RUNX1: variants seen among roughly 807,000 people sequenced by gnomAD.
RUNX1 encodes RUNX family transcription factor 1, also known as runt-related transcription factor 1.
A neutral mutation model predicts 42.8 loss-of-function variants in RUNX1; 19 were observed. That is an observed-to-expected ratio of 0.44 (90% CI 0.31 to 0.65). The LOEUF is 0.65. Among genes scored for constraint, RUNX1 ranks in the 30% least tolerant of loss-of-function variants. The probability of loss-of-function intolerance (pLI) is 0.07; values close to 1 mark genes in which losing one functional copy is unlikely to be tolerated. For missense variants in RUNX1, 528 were observed against 672.0 expected, an observed-to-expected ratio of 0.79 and a Z score of 2.37; for synonymous variants, 271 against 289.4, an observed-to-expected ratio of 0.94 and a Z score of 0.64.
intron 5 of RUNX1, among the ~76,000 whole-genome samples, chr21:34,863,004 G>A (rs141861020): frequency 4.6e-5 from 7 of 152,228 alleles, no homozygotes; most frequent in East Asian, 3.9e-4. Flanking sequence ...TTTTTAAGTC[G>A]TGTAGAACTT....
At chr21:34,848,423 A>C (rs2268285) in intron 6 of RUNX1, among the ~76,000 whole-genome samples, 48,040 of 152,112 alleles carry the variant, frequency 0.32, 7,934 homozygotes, top group East Asian at 0.51. Flanking sequence ...CACCGAGGCT[A>C]CCTGAGCACC....
At chr21:34,984,699 G>A (rs553023975) in intron 2 of RUNX1, among the ~76,000 whole-genome samples, 1 of 152,174 alleles carries the variant, frequency 6.6e-6, no homozygotes, top group Non-Finnish European at 1.5e-5. Flanking sequence ...AGGGAATGAA[G>A]GGTTGATGGA....
At chr21:35,036,408 A>G (rs1395610724) in intron 2 of RUNX1, among the ~76,000 whole-genome samples, 1 of 152,196 alleles carries the variant, frequency 6.6e-6, no homozygotes. Flanking sequence ...GGGCACTCAC[A>G]TGGCTGGCTG....
chr21:34,834,256 A>T (rs1569036763), intron 7 of RUNX1, 154 bp downstream of exon 7: 1 of 793,940 alleles, frequency 1.3e-6, no homozygotes, highest in East Asian at 2.6e-5. Flanking sequence ...TGCATTTCCA[A>T]CAGCTCCCAG....
chr21:34,918,271 G>A (rs1282985156), intron 2 of RUNX1, among the ~76,000 whole-genome samples: 1 of 152,016 alleles, frequency 6.6e-6, no homozygotes, highest in Non-Finnish European at 1.5e-5. Flanking sequence ...AGAGATGCAG[G>A]GGCATGACAA....
At chr21:35,009,981 C>T (rs2059113868) in intron 2 of RUNX1, among the ~76,000 whole-genome samples, 2 of 152,178 alleles carry the variant, frequency 1.3e-5, no homozygotes, top group Admixed American at 1.3e-4. Flanking sequence ...AAATCACACG[C>T]TGGTATAACT....
intron 2 of RUNX1, among the ~76,000 whole-genome samples, chr21:35,005,145 A>T (rs926337164): frequency 6.6e-6 from 1 of 151,622 alleles, no homozygotes; most frequent in Non-Finnish European, 1.5e-5. Flanking sequence ...TTTTTATTAG[A>T]GTTGAATTTC....
chr21:34,850,099 A>T (rs2057396219), intron 6 of RUNX1, among the ~76,000 whole-genome samples: 1 of 152,210 alleles, frequency 6.6e-6, no homozygotes, highest in Admixed American at 6.5e-5. Flanking sequence ...GAAAAATGGA[A>T]AGTGGCTAGG....
chr21:34,945,852 G>T (rs2058559812), intron 2 of RUNX1, among the ~76,000 whole-genome samples: 1 of 152,178 alleles, frequency 6.6e-6, no homozygotes, highest in South Asian at 2.1e-4. Flanking sequence ...TCCAGATCTG[G>T]CTTCTCTTCA....
At chr21:34,990,242 G>A (rs1020503885) in intron 2 of RUNX1, among the ~76,000 whole-genome samples, 1 of 152,164 alleles carries the variant, frequency 6.6e-6, no homozygotes, top group Non-Finnish European at 1.5e-5. Flanking sequence ...GACAAAATAG[G>A]AAGATTCTTT....
intron 7 of RUNX1, among the ~76,000 whole-genome samples, chr21:34,808,411 C>T (rs2056712100): frequency 6.6e-6 from 1 of 152,154 alleles, no homozygotes; most frequent in Non-Finnish European, 1.5e-5. Flanking sequence ...TCCGCCTCTC[C>T]ACCACTCCCT....
At chr21:35,025,678 G>C (rs1267020512) in intron 2 of RUNX1, among the ~76,000 whole-genome samples, 1 of 152,146 alleles carries the variant, frequency 6.6e-6, no homozygotes, top group Non-Finnish European at 1.5e-5. Context: ...AGGAGAACAT[G>C]AATAATTAGG....
intron 2 of RUNX1, among the ~76,000 whole-genome samples, chr21:34,958,982 T>C (rs1394254809): frequency 6.6e-6 from 1 of 150,376 alleles, no homozygotes; most frequent in Non-Finnish European, 1.5e-5. Flanking sequence ...TTCTCACTCA[T>C]AGATGGGAAT....
At chr21:35,007,484 G>A (rs1012866876) in intron 2 of RUNX1, among the ~76,000 whole-genome samples, 5 of 152,130 alleles carry the variant, frequency 3.3e-5, no homozygotes, top group Admixed American at 6.5e-5. Flanking sequence ...GTGACCCGCC[G>A]TCCTTTGGAT....
At chr21:35,008,956 G>T (rs765345568) in intron 2 of RUNX1, among the ~76,000 whole-genome samples, 5 of 152,206 alleles carry the variant, frequency 3.3e-5, no homozygotes, top group Admixed American at 6.5e-5. Flanking sequence ...ACAAAAAACG[G>T]AGCCCACCGA....
At chr21:34,811,464 G>A (rs999636582) in intron 7 of RUNX1, among the ~76,000 whole-genome samples, 2 of 152,136 alleles carry the variant, frequency 1.3e-5, no homozygotes. Context: ...GAACCTCAGG[G>A]AACTGCCCTG....
At chr21:35,034,732 G>T (rs2059295303) in intron 2 of RUNX1, among the ~76,000 whole-genome samples, 1 of 152,200 alleles carries the variant, frequency 6.6e-6, no homozygotes, top group South Asian at 2.1e-4. Context: ...TGTCAACTGT[G>T]GCGAGGTCGG....
rs141335399 is a variant in RUNX1, at chr21:34,998,758, G to A, written c.58+50084C>T. On this transcript the variant is annotated intron_variant, in intron 2 of 8. Coordinates refer to ENST00000675419, the MANE Select transcript of RUNX1 (RefSeq NM_001754.5). ...GGGTTTCACCGAGTTAGCCAGGATG[G>A]TCTCAGTCTCCTGACCTCGTGATCC... 8.6e-3 allele frequency among the ~76,000 whole-genome samples: 1,308 copies of A among 152,240 alleles called. 19 individuals carry two copies. The highest frequency in any genetic ancestry group is 0.026 in the African/African-American group (1,081 of 41,552).
intron 3 of RUNX1, chr21:34,889,779 G>C: frequency 8.7e-7 from 1 of 1,146,526 alleles, no homozygotes; most frequent in Non-Finnish European, 1.1e-6. Flanking sequence ...TCCGGCGTGC[G>C]CTGCCAACTC....
Sources: allele counts gnomAD v4.1 joint callset (sites outside exome capture counted in the v4.1 genomes callset), GRCh38; gene constraint gnomAD v4.1.1; transcripts MANE v1.5; gene names NCBI Gene and HGNC (gene_info 2026-07-23, HGNC 2026-07-21).